The following CTNND1 variants were observed in gnomAD, a reference collection of about 807,000 sequenced individuals.
CTNND1 encodes catenin delta 1, also known as catenin delta-1.
CTNND1 carries 16 observed loss-of-function variants against 112.1 expected under a neutral mutation model. That is an observed-to-expected ratio of 0.14 (90% CI 0.10 to 0.22). The LOEUF (loss-of-function observed/expected upper bound fraction) is 0.22. Ranked by LOEUF, CTNND1 falls within the 10% of genes least tolerant of loss-of-function variation. The pLI, the probability that CTNND1 is intolerant of heterozygous loss-of-function variation, is 1.00. For missense variants in CTNND1, 1,008 were observed against 1,257.0 expected, an observed-to-expected ratio of 0.80 and a Z score of 3.00; for synonymous variants, 420 against 446.5, an observed-to-expected ratio of 0.94 and a Z score of 0.75.
Position 57,816,634 on chromosome 11 carries a change from G to A in CTNND1, c.*326G>A, listed in dbSNP as rs903709531. 4.6e-6 allele frequency: 2 copies of A among 430,526 alleles called. No homozygotes were observed. The highest frequency in any genetic ancestry group is 8.5e-6 in the Non-Finnish European group (2 of 235,784). The allele number at this position is 430,526 out of a possible 1,614,324, so 26.7% of individuals were successfully genotyped here. ...GGAACTCCTGGCCTTTTGTGGAGGGGAGGGATGGAGAGAATAGGAATCTTC... is the reference window on the plus strand; with the variant it reads ...GGAACTCCTGGCCTTTTGTGGAGGGAAGGGATGGAGAGAATAGGAATCTTC... On this transcript the variant is annotated 3_prime_UTR_variant, in exon 21 of 21. Coordinates refer to ENST00000399050, the MANE Select transcript of CTNND1 (RefSeq NM_001085458.2).
chr11:57,813,395 T>C (rs961694038), intron 17 of CTNND1, among the ~76,000 whole-genome samples: 3 of 152,374 alleles, frequency 2.0e-5, no homozygotes, highest in Admixed American at 2.0e-4. Flanking sequence ...GAATGTGATT[T>C]CAAAATATTG....
intron 17 of CTNND1, among the ~76,000 whole-genome samples, chr11:57,811,709 T>G (rs900198370): frequency 3.9e-5 from 6 of 152,246 alleles, no homozygotes; most frequent in Non-Finnish European, 8.8e-5. Flanking sequence ...TATCATTGCT[T>G]GTGAACTTAA....
intron 6 of CTNND1, among the ~76,000 whole-genome samples, chr11:57,797,793 G>A (rs2061519091): frequency 8.1e-6 from 1 of 122,880 alleles, no homozygotes; most frequent in Non-Finnish European, 1.6e-5. Context: ...GGTGAGCCAA[G>A]ATCATGCCAT....
In CTNND1 at chr11:57,765,048, A is replaced by G. The variant is rs150225381; in HGVS notation, c.-214+2929A>G. Among the ~76,000 whole-genome samples the G allele has an allele frequency of 6.1e-3, 926 of 152,308 alleles. 10 individuals are homozygous for G. Among genetic ancestry groups the G allele is most frequent in the Middle Eastern group, 0.024 (7 of 294 alleles). ...TCCATATGCCCACCATTGCTGTCCTAATTTCTTAAACTTCCTGGAATTGTG... is the reference window on the plus strand; with the variant it reads ...TCCATATGCCCACCATTGCTGTCCTGATTTCTTAAACTTCCTGGAATTGTG... On this transcript the variant is annotated intron_variant, in intron 1 of 20. Coordinates refer to ENST00000399050, the MANE Select transcript of CTNND1 (RefSeq NM_001085458.2).
At chr11:57,773,287 C>T (rs1054646487) in intron 1 of CTNND1, among the ~76,000 whole-genome samples, 1 of 151,866 alleles carries the variant, frequency 6.6e-6, no homozygotes, top group South Asian at 2.1e-4. Context: ...CAGCCTCCAT[C>T]ACATCTGGCT....
rs1243630840 is a variant in CTNND1, at chr11:57,766,944, G to A, written c.-214+4825G>A. ...AATTTAGATCAGGCATATAGTGGGG[G>A]AATTATAAAGAGGCAAAGAATTTTC... On this transcript the variant is annotated intron_variant, in intron 1 of 20. Transcript: ENST00000399050. 2.0e-5 allele frequency among the ~76,000 whole-genome samples: 3 copies of A among 151,748 alleles called. No individual in the cohort carries two copies. The East Asian group carries it at 5.8e-4, about 29-fold the overall frequency.
At chr11:57,807,133 C>T in intron 12 of CTNND1, 150 bp downstream of exon 12, 1 of 716,646 alleles carries the variant, frequency 1.4e-6, no homozygotes, top group Non-Finnish European at 2.4e-6. Flanking sequence ...TATTGGGAAG[C>T]TGCATAGTAT....
chr11:57,804,246 T>G (rs1033899777), intron 8 of CTNND1, among the ~76,000 whole-genome samples: 1 of 152,256 alleles, frequency 6.6e-6, no homozygotes, highest in Non-Finnish European at 1.5e-5. Flanking sequence ...GATGCCTTTC[T>G]CTTCTTATTT....
intron 14 of CTNND1, 56 bp downstream of exon 14, chr11:57,808,596 A>T: frequency 6.9e-7 from 1 of 1,440,928 alleles, no homozygotes; most frequent in East Asian, 2.4e-5. Flanking sequence ...TTTGTAGTCC[A>T]GCAGGTGCCT....
chr11:57,768,949 T>C (rs1224500914), intron 1 of CTNND1, among the ~76,000 whole-genome samples: 2 of 152,112 alleles, frequency 1.3e-5, no homozygotes, highest in Non-Finnish European at 2.9e-5. Context: ...ATGAAACTAG[T>C]GTTCTAAATA....
chr11:57,773,575 C>T (rs1160783526), intron 1 of CTNND1, among the ~76,000 whole-genome samples: 1 of 151,668 alleles, frequency 6.6e-6, no homozygotes, highest in East Asian at 1.9e-4. Context: ...TCTCAGCCTC[C>T]TGAGTAGCTG....
intron 17 of CTNND1, chr11:57,814,069 C>T (rs1328212703): frequency 4.4e-6 from 2 of 457,804 alleles, no homozygotes; most frequent in East Asian, 8.2e-5. Flanking sequence ...AATCCCAGTA[C>T]TTTGGGAGAC....
In CTNND1 at chr11:57,791,439, C is replaced by T. The variant is rs747909504; in HGVS notation, c.-40C>T. The T allele has an allele frequency of 2.1e-6, 3 of 1,399,224 alleles. No individual in the cohort carries two copies. Among genetic ancestry groups the T allele is most frequent in the Non-Finnish European group, 1.9e-6 (2 of 1,069,262 alleles). The allele number at this position is 1,399,224 out of a possible 1,614,324, so 86.7% of individuals were successfully genotyped here. On this transcript the variant is annotated 5_prime_UTR_variant, in exon 3 of 21. Coordinates refer to ENST00000399050, the MANE Select transcript of CTNND1 (RefSeq NM_001085458.2). ...TCTCCTTCCTCTGTGATTCACCTTC[C>T]TTTTTACCCTGCCCTGCGGCGGCTC... is the stretch of plus-strand genomic sequence containing the variant.
At position 57,817,145 on chromosome 11, in the gene CTNND1, A is replaced by G. The variant is rs1318820124; in HGVS notation, c.*837A>G. ...GGAAGACTTTTGGTAGAGAAGGAGC[A>G]GAAAGATGTGTTTTTGGGAAGAAGA... On this transcript the variant is annotated 3_prime_UTR_variant, in exon 21 of 21. Coordinates refer to ENST00000399050, the MANE Select transcript of CTNND1 (RefSeq NM_001085458.2). The G allele has an allele frequency of 1.3e-5, 2 of 152,854 alleles. No homozygotes were observed. Among genetic ancestry groups the G allele is most frequent in the Admixed American group, 1.3e-4 (2 of 15,290 alleles). The allele number at this position is 152,854 out of a possible 1,614,324, so 9.5% of individuals were successfully genotyped here.
At chr11:57,811,828 ACAAT>A (rs1369507309) in intron 17 of CTNND1, among the ~76,000 whole-genome samples, 1 of 152,260 alleles carries the variant, frequency 6.6e-6, no homozygotes, top group Non-Finnish European at 1.5e-5. Flanking sequence ...CAAAATATAA[ACAAT>A]CAGAAAAATA....
At chr11:57,770,682 A>G (rs1162087862) in intron 1 of CTNND1, among the ~76,000 whole-genome samples, 1 of 152,092 alleles carries the variant, frequency 6.6e-6, no homozygotes, top group Admixed American at 6.6e-5. Context: ...AAAAAAGAAA[A>G]GAAAAGATTT....
rs147874424 is a variant in CTNND1 at position 57,775,348 on chromosome 11, A to AACACAC, written c.-214+13245_-214+13250dup. Among the ~76,000 whole-genome samples the AACACAC allele has an allele frequency of 1.4e-4, 20 of 141,546 alleles. No homozygotes were observed. The South Asian group carries it at 2.7e-3, about 19-fold the overall frequency. 92.9% of individuals were successfully genotyped at this position (141,546 alleles called of 152,430 possible). A position where few individuals can be genotyped will look rare whatever the true frequency, so the allele number is the denominator to read the frequency against. ...CCCCGTCTCGAAAAAAAAAAAAAAC[A>AACACAC]ACACACACACACACACACACAAAAC... On this transcript the variant is annotated intron_variant, in intron 1 of 20. Coordinates refer to ENST00000399050, the MANE Select transcript of CTNND1 (RefSeq NM_001085458.2).
chr11:57,785,551 TGTGTG>T (rs2060035585), intron 1 of CTNND1, among the ~76,000 whole-genome samples: 2 of 151,088 alleles, frequency 1.3e-5, no homozygotes, highest in Non-Finnish European at 3.0e-5. Flanking sequence ...GATTTTTTTG[TGTGTG>T]TGTGTGTGTG....
Position 57,796,723 on chromosome 11 carries a change from C to T in CTNND1, c.687C>T (p.Gly229=). ...ATCCAGGTGGCAGTGATAACTATGG[C>T]AGTCTGTCCCGGGTGACCCGCATTG... The part of the protein sequence containing the change: ...DGYPGGSDNY[G]SLSRVTRIEE... The change falls in exon 6 of 21, where the codon GGC becomes GGT. Residue 229 remains glycine, a synonymous_variant. Transcript: ENST00000399050. 1 of 1,614,010 alleles carries T rather than the reference C, an allele frequency of 6.2e-7. No individual in the cohort carries two copies. Among genetic ancestry groups the T allele is most frequent in the African/African-American group, 1.3e-5 (1 of 75,054 alleles).
Sources: allele counts gnomAD v4.1 joint callset (sites outside exome capture counted in the v4.1 genomes callset), GRCh38; gene constraint gnomAD v4.1.1; transcripts MANE v1.5; gene names NCBI Gene and HGNC (gene_info 2026-07-23, HGNC 2026-07-21).